LMNTD1: variants seen among roughly 807,000 people sequenced by gnomAD.
LMNTD1 encodes the protein lamin tail domain containing 1, also known as lamin tail domain-containing protein 1.
In LMNTD1, 35 loss-of-function variants were observed where a neutral mutation model predicts 50.9. That is an observed-to-expected ratio of 0.69 (90% CI 0.53 to 0.91). The LOEUF (loss-of-function observed/expected upper bound fraction) is 0.91, where lower values mean the gene tolerates loss of function less well. Ranked by LOEUF, LMNTD1 falls within the 40% of genes least tolerant of loss-of-function variation. LMNTD1 has a pLI of 0.00. For missense variants in LMNTD1, 470 were observed against 475.5 expected (o/e 0.99, Z 0.11); for synonymous variants, 153 against 161.9 (o/e 0.94, Z 0.42).
chr12:25,613,619 T>C (rs1221097727), intron 1 of LMNTD1, among the ~76,000 whole-genome samples: 1 of 152,212 alleles, frequency 6.6e-6, no homozygotes, highest in Non-Finnish European at 1.5e-5. Flanking sequence ...TGCAGTGCTC[T>C]GAATAGTGTC....
intron 1 of LMNTD1, among the ~76,000 whole-genome samples, chr12:25,634,297 A>G (rs1946779978): frequency 3.3e-5 from 5 of 152,212 alleles, no homozygotes; most frequent in South Asian, 4.1e-4. Flanking sequence ...ACTATTCCAC[A>G]AGGTAGAGAA....
chr12:25,531,505 T>G (rs1285542545), intron 4 of LMNTD1, among the ~76,000 whole-genome samples: 1 of 152,250 alleles, frequency 6.6e-6, no homozygotes, highest in East Asian at 1.9e-4. Flanking sequence ...TTGTTGTTTC[T>G]TTGAAGGTAA....
At chr12:25,551,318 T>C (rs1943732622) in intron 2 of LMNTD1, among the ~76,000 whole-genome samples, 1 of 152,236 alleles carries the variant, frequency 6.6e-6, no homozygotes, top group East Asian at 1.9e-4. Flanking sequence ...ACAAAATCTT[T>C]GCAATCACAG....
chr12:25,543,405 A>C (rs193100950), intron 4 of LMNTD1, among the ~76,000 whole-genome samples: 2 of 152,170 alleles, frequency 1.3e-5, no homozygotes. Flanking sequence ...ACAGTATAGT[A>C]AAACATAAAC....
At chr12:25,522,357 T>C (rs1941379756) in intron 6 of LMNTD1, among the ~76,000 whole-genome samples, 1 of 152,192 alleles carries the variant, frequency 6.6e-6, no homozygotes, top group African/African-American at 2.4e-5. Flanking sequence ...TCCCCTGTAT[T>C]GTAGGAACTT....
chr12:25,513,302 T>C (rs1940454618), intron 8 of LMNTD1, among the ~76,000 whole-genome samples: 1 of 152,080 alleles, frequency 6.6e-6, no homozygotes, highest in Admixed American at 6.6e-5. Context: ...TTATAAGCAT[T>C]GGAAAGAAAG....
chr12:25,571,368 T>TTTA (rs1465098775), intron 1 of LMNTD1, among the ~76,000 whole-genome samples: 2 of 151,658 alleles, frequency 1.3e-5, no homozygotes, highest in African/African-American at 4.8e-5. Flanking sequence ...TATTTATTTA[T>TTTA]TTATTTATTT....
rs146109496 is a variant in LMNTD1 at position 25,585,764 on chromosome 12, C to T, written c.59-39210G>A. ...AGTTTTTGCCTCAATTATCTTTTCT[C>T]ATTGGTGAGTTATGCATGGCTGGGG... On this transcript the variant is annotated intron_variant, in intron 1 of 7. Coordinates refer to the LMNTD1 transcript ENST00000445693. Among the ~76,000 whole-genome samples the T allele has an allele frequency of 4.5e-4, 68 of 152,282 alleles. No individual in the cohort carries two copies. The East Asian group carries it at 0.012, about 28-fold the overall frequency.
At chr12:25,577,504 G>GTATAGC (rs1945080729) in intron 1 of LMNTD1, among the ~76,000 whole-genome samples, 1 of 106,528 alleles carries the variant, frequency 9.4e-6, no homozygotes, top group Non-Finnish European at 1.8e-5. Context: ...TGTTATTGGT[G>GTATAGC]AATGCTTGTG....
intron 1 of LMNTD1, among the ~76,000 whole-genome samples, chr12:25,644,288 C>G (rs146271921): frequency 2.8e-4 from 28 of 99,244 alleles, no homozygotes; most frequent in African/African-American, 9.5e-4. Context: ...GCAGAATGGG[C>G]AACATAGTGA....
chr12:25,618,455 C>T (rs147446916), intron 1 of LMNTD1, among the ~76,000 whole-genome samples: 1 of 152,296 alleles, frequency 6.6e-6, no homozygotes, highest in East Asian at 1.9e-4. Context: ...GTGATACTTG[C>T]AATACCATTG....
chr12:25,555,060 G>A (rs1221935294), upstream of LMNTD1, among the ~76,000 whole-genome samples: 3 of 144,290 alleles, frequency 2.1e-5, no homozygotes, highest in East Asian at 2.0e-4. Flanking sequence ...ACCAGTCTCC[G>A]TCATTAAAAA....
At chr12:25,497,659 A>G in intron 9 of LMNTD1, 1 of 152,266 alleles carries the variant, frequency 6.6e-6, no homozygotes, top group South Asian at 2.1e-4. Context: ...TTAGCCATGC[A>G]GGGTGGCGGA....
At chr12:25,487,037 G>C (rs1938669809) in intron 9 of LMNTD1, among the ~76,000 whole-genome samples, 2 of 151,040 alleles carry the variant, frequency 1.3e-5, no homozygotes, top group South Asian at 4.3e-4. Context: ...ATTTGCTGAG[G>C]AGAGCTTTAC....
chr12:25,544,007 A>G (rs1487440206), intron 4 of LMNTD1, among the ~76,000 whole-genome samples: 1 of 151,926 alleles, frequency 6.6e-6, no homozygotes, highest in Non-Finnish European at 1.5e-5. Context: ...GAGTCTATTC[A>G]GGAAAATGTT....
At chr12:25,485,371 ATTTG>A (rs1185703183) in intron 9 of LMNTD1, among the ~76,000 whole-genome samples, 2 of 128,530 alleles carry the variant, frequency 1.6e-5, no homozygotes, top group Non-Finnish European at 3.3e-5. Context: ...TTTCTTGTAA[ATTTG>A]TTTGAGTTCA....
intron 4 of LMNTD1, among the ~76,000 whole-genome samples, chr12:25,539,056 G>A (rs1942849678): frequency 6.6e-6 from 1 of 151,398 alleles, no homozygotes; most frequent in African/African-American, 2.4e-5. Flanking sequence ...CAATACAGGA[G>A]CACCCAGATT....
intron 1 of LMNTD1, among the ~76,000 whole-genome samples, chr12:25,631,525 G>A (rs896903415): frequency 6.6e-6 from 1 of 152,188 alleles, no homozygotes; most frequent in African/African-American, 2.4e-5. Flanking sequence ...GACTTGAGGG[G>A]TAGCTAGACC....
intron 1 of LMNTD1, among the ~76,000 whole-genome samples, chr12:25,611,058 G>A (rs1300391487): frequency 1.3e-5 from 2 of 152,174 alleles, no homozygotes; most frequent in African/African-American, 4.8e-5. Context: ...GAAGGAAAGT[G>A]AAGAGAACGA....
Sources: allele counts gnomAD v4.1 joint callset (sites outside exome capture counted in the v4.1 genomes callset), GRCh38; gene constraint gnomAD v4.1.1; transcripts MANE v1.5; gene names NCBI Gene and HGNC (gene_info 2026-07-23, HGNC 2026-07-21).